The following CEMIP2 variants were observed in gnomAD, a reference collection of about 807,000 sequenced individuals.
CEMIP2 encodes cell surface hyaluronidase CEMIP2.
Under a neutral mutation model 146.9 loss-of-function variants are expected in CEMIP2, and 79 were observed. The observed-to-expected ratio is 0.54, with a 90% CI of 0.45 to 0.65. CEMIP2 has a LOEUF of 0.65. CEMIP2 is among the 30% of genes least tolerant of loss of function. CEMIP2 has a pLI of 0.00. For synonymous variants in CEMIP2, 601 were observed against 606.3 expected, an observed-to-expected ratio of 0.99 and a Z score of 0.13; for missense variants, 1,596 against 1,696.2, an observed-to-expected ratio of 0.94 and a Z score of 1.04.
rs1355667700 is a variant in CEMIP2, at chr9:71,723,413, A to T, written c.2179-898T>A. Among the ~76,000 whole-genome samples, 4 of 152,164 alleles carry T rather than the reference A, an allele frequency of 2.6e-5. No homozygotes were observed. In the East Asian group the frequency reaches 7.7e-4, roughly 29 times the overall value. On this transcript the variant is annotated intron_variant, in intron 11 of 23. Coordinates refer to ENST00000377044, the MANE Select transcript of CEMIP2 (RefSeq NM_013390.3). ...GATGATTTCAGTAATCCAGAAGAGA[A>T]ATAAAGATGATCTAGACTCATGGCC... is the stretch of plus-strand genomic sequence containing the variant.
chr9:71,707,897 T>C (rs1330273977), intron 17 of CEMIP2, among the ~76,000 whole-genome samples: 1 of 152,178 alleles, frequency 6.6e-6, no homozygotes, highest in Non-Finnish European at 1.5e-5. Flanking sequence ...AGTCTATTAT[T>C]AAATCCTGGC....
chr9:71,756,246 A>G (rs1824444383), intron 1 of CEMIP2, among the ~76,000 whole-genome samples: 1 of 135,438 alleles, frequency 7.4e-6, no homozygotes, highest in African/African-American at 2.6e-5. Flanking sequence ...GTGTATATAT[A>G]TATATATATA....
Position 71,684,917 on chromosome 9 carries a change from T to A in CEMIP2, c.*280A>T, listed in dbSNP as rs25697. 1 of 357,762 alleles carries A rather than the reference T, an allele frequency of 2.8e-6. No homozygotes were observed. The highest frequency in any genetic ancestry group is 5.0e-6 in the Non-Finnish European group (1 of 200,206). The allele number at this position is 357,762 out of a possible 1,614,324, so 22.2% of individuals were successfully genotyped here. On this transcript the variant is annotated 3_prime_UTR_variant, in exon 24 of 24. Transcript: ENST00000377044. ...ATACAAAAAGTAAAAACATTGCTCA[T>A]GGTCATTACAAAATACGGGGGTGGA...
At chr9:71,740,884 A>C (rs985080843) in intron 4 of CEMIP2, among the ~76,000 whole-genome samples, 2 of 152,206 alleles carry the variant, frequency 1.3e-5, no homozygotes, top group African/African-American at 4.8e-5. Context: ...CAACAGAAGA[A>C]AGGAAGGGCA....
intron 18 of CEMIP2, among the ~76,000 whole-genome samples, chr9:71,702,682 T>C (rs1044490918): frequency 2.6e-5 from 4 of 152,246 alleles, no homozygotes; most frequent in Non-Finnish European, 5.9e-5. Flanking sequence ...ATGACTTCCC[T>C]ATAATTATCT....
rs1191636632 is a variant in CEMIP2 at position 71,746,224 on chromosome 9, T to A, written c.449A>T (p.His150Leu). ...ACCTCCATCCTGAATGACTATAGAA[T>A]GCACGGTGGCGTCTGAGGTCAGACG... is the stretch of plus-strand genomic sequence containing the variant. ...MLRLTSDATV[H>L]SIVIQDGGLL... Residue 150 changes from histidine (H) to leucine (L), a missense_variant, in exon 3 of 24, where the codon CAT (histidine) becomes CTT (leucine). His to Leu is a moderately conservative substitution (Grantham distance 99, BLOSUM62 -3). Transcript: ENST00000377044. 1 of 1,613,800 alleles carries A rather than the reference T, an allele frequency of 6.2e-7. No homozygotes were observed.
chr9:71,746,824 C>T (rs1330461570), intron 2 of CEMIP2, among the ~76,000 whole-genome samples: 3 of 152,112 alleles, frequency 2.0e-5, no homozygotes, highest in Admixed American at 2.0e-4. Flanking sequence ...GAAGTAAGTA[C>T]TGATAGCACC....
At chr9:71,700,038 GA>G (rs1374004600) in intron 19 of CEMIP2, among the ~76,000 whole-genome samples, 1 of 152,186 alleles carries the variant, frequency 6.6e-6, no homozygotes, top group Non-Finnish European at 1.5e-5. Flanking sequence ...TGCGTGAGGA[GA>G]AAGGCTGAAG....
At chr9:71,732,253 T>C in intron 7 of CEMIP2, 98 bp downstream of exon 7, 3 of 1,240,614 alleles carry the variant, frequency 2.4e-6, no homozygotes, top group Non-Finnish European at 3.3e-6. Flanking sequence ...GATTTGCTTT[T>C]AATATCCATT....
rs763142770 is a variant in CEMIP2 at position 71,690,195 on chromosome 9, C to T, written c.3748G>A (p.Val1250Met). The T allele has an allele frequency of 4.3e-6, 7 of 1,614,134 alleles. No homozygotes were observed. The South Asian group carries it at 5.5e-5, about 13-fold the overall frequency. ...FRSAGVLLLV[V>M]DPCSVPFRLT... ...CGGAATGGAACGCTGCACGGATCCA[C>T]AACAAGGAGGAGGACGCCTGCACTT... The change falls in exon 22 of 24, where the codon GTG becomes ATG. Residue 1250 changes from valine (V) to methionine (M), a missense_variant. By Grantham distance (21) the Val-to-Met change is conservative (BLOSUM62 1). Transcript: ENST00000377044.
intron 21 of CEMIP2, among the ~76,000 whole-genome samples, chr9:71,693,966 C>T (rs890802059): frequency 3.3e-5 from 5 of 152,156 alleles, no homozygotes; most frequent in Admixed American, 6.5e-5. Flanking sequence ...ACCCCTGGAC[C>T]GTTCTACCCT....
At chr9:71,695,200 G>A (rs1467183000) in intron 20 of CEMIP2, among the ~76,000 whole-genome samples, 1 of 152,054 alleles carries the variant, frequency 6.6e-6, no homozygotes, top group Non-Finnish European at 1.5e-5. Context: ...CTTTGCTGAT[G>A]CTGTTCCCTT....
At chr9:71,712,033 C>A in intron 16 of CEMIP2, 50 bp downstream of exon 16, 1 of 1,585,382 alleles carries the variant, frequency 6.3e-7, no homozygotes, top group Non-Finnish European at 8.6e-7. Context: ...ATGTGCTATC[C>A]CTCCTTTTTT....
chr9:71,738,301 T>TCAA (rs1369010321), intron 5 of CEMIP2, among the ~76,000 whole-genome samples: 1 of 152,098 alleles, frequency 6.6e-6, no homozygotes, highest in Non-Finnish European at 1.5e-5. Context: ...TCGCTTGAGG[T>TCAA]CAGGAGTTGG....
At chr9:71,715,235 TG>T in intron 14 of CEMIP2, 146 bp from the exon 15 acceptor site, 2 of 425,896 alleles carry the variant, frequency 4.7e-6, no homozygotes, top group Non-Finnish European at 7.7e-6. Flanking sequence ...CTTCAGAAAC[TG>T]CTTTTTTTTT....
rs1564012740 is a variant in CEMIP2 at position 71,728,303 on chromosome 9, ATATATATATATATAC to A, written c.2049+1527_2049+1541del. On this transcript the variant is annotated intron_variant, in intron 10 of 23. Transcript: ENST00000377044. ...TATGTATATATATATATATATATAC[ATATATATATATATAC>A]GTATATATATATATCTCAGCAGGTA... Among the ~76,000 whole-genome samples, 25 of 24,656 alleles carry A rather than the reference ATATATATATATATAC, an allele frequency of 1.0e-3. 1 individual carries two copies. The highest frequency in any genetic ancestry group is 3.2e-3 in the African/African-American group (25 of 7,716). The allele number at this position is 24,656 out of a possible 152,430, so 16.2% of individuals were successfully genotyped here. A position where few individuals can be genotyped will look rare whatever the true frequency, so the allele number is the denominator to read the frequency against.
chr9:71,749,071 A>G (rs1312147596), intron 2 of CEMIP2, among the ~76,000 whole-genome samples: 5 of 152,218 alleles, frequency 3.3e-5, no homozygotes, highest in Non-Finnish European at 7.3e-5. Context: ...CTTTGTTGGT[A>G]TTCCAATAAG....
chr9:71,684,269 A>C lies in CEMIP2; in HGVS notation c.*928T>G, dbSNP rs1175655043. 1 of 152,250 alleles carries C rather than the reference A, an allele frequency of 6.6e-6. No individual in the cohort carries two copies. The highest frequency in any genetic ancestry group is 1.9e-4 in the East Asian group (1 of 5,198). The allele number at this position is 152,250 out of a possible 1,614,324, so 9.4% of individuals were successfully genotyped here. A position where few individuals can be genotyped will look rare whatever the true frequency, so the allele number is the denominator to read the frequency against. The stretch of plus-strand genomic sequence containing the variant: ...AACAGAAAAGCTTTAAAAAATCCAC[A>C]CAAAACAATAACAAAAAACCCAAGT... On this transcript the variant is annotated 3_prime_UTR_variant, in exon 24 of 24. Coordinates refer to ENST00000377044, the MANE Select transcript of CEMIP2 (RefSeq NM_013390.3).
intron 22 of CEMIP2, chr9:71,686,370 A>G (rs1231414526): frequency 5.8e-6 from 1 of 172,214 alleles, no homozygotes; most frequent in African/African-American, 2.4e-5. Flanking sequence ...TCACCCCCAG[A>G]TGGGACCATC....
Sources: allele counts gnomAD v4.1 joint callset (sites outside exome capture counted in the v4.1 genomes callset), GRCh38; gene constraint gnomAD v4.1.1; transcripts MANE v1.5; gene names NCBI Gene and HGNC (gene_info 2026-07-23, HGNC 2026-07-21).